Variants in TBC1D4 observed in about 807,000 individuals in gnomAD.
TBC1D4 encodes the protein TBC (Tre-2, BUB2, CDC16) domain-containing protein.
Under a neutral mutation model 142.5 loss-of-function variants are expected in TBC1D4, and 121 were observed. The observed-to-expected ratio is 0.85, with a 90% CI of 0.73 to 0.99. The LOEUF (loss-of-function observed/expected upper bound fraction) is 0.99, where lower values mean the gene tolerates loss of function less well. Ranked by LOEUF, TBC1D4 falls within the 50% of genes least tolerant of loss-of-function variation. The probability of loss-of-function intolerance (pLI) is 0.00; values close to 1 mark genes in which losing one functional copy is unlikely to be tolerated. For missense variants in TBC1D4, 1,475 were observed against 1,606.6 expected, an observed-to-expected ratio of 0.92 and a Z score of 1.40; for synonymous variants, 630 against 628.2, an observed-to-expected ratio of 1.00 and a Z score of -0.04.
At chr13:75,448,500 G>T (rs1443039231) in intron 1 of TBC1D4, among the ~76,000 whole-genome samples, 2 of 151,362 alleles carry the variant, frequency 1.3e-5, no homozygotes. Flanking sequence ...CCCGTTAGGT[G>T]GAGGTTTCAG....
intron 1 of TBC1D4, among the ~76,000 whole-genome samples, chr13:75,391,225 C>CA (rs59448353): frequency 6.6e-6 from 1 of 150,404 alleles, no homozygotes; most frequent in East Asian, 1.9e-4. Context: ...CACACACACA[C>CA]TATTTTTATC....
At chr13:75,406,721 A>G (rs566131271) in intron 1 of TBC1D4, among the ~76,000 whole-genome samples, 3 of 152,362 alleles carry the variant, frequency 2.0e-5, no homozygotes, top group South Asian at 4.1e-4. Flanking sequence ...AAGAGAGCTC[A>G]GGAAAGATCA....
intron 7 of TBC1D4, among the ~76,000 whole-genome samples, chr13:75,340,176 A>G (rs1157175978): frequency 6.6e-6 from 1 of 152,218 alleles, no homozygotes; most frequent in Non-Finnish European, 1.5e-5. Flanking sequence ...AGTTTAACTC[A>G]TAGAAGGTTC....
intron 1 of TBC1D4, among the ~76,000 whole-genome samples, chr13:75,436,657 C>T (rs935562582): frequency 1.7e-5 from 2 of 115,510 alleles, no homozygotes; most frequent in Admixed American, 9.1e-5. Context: ...ACCCTGTCTC[C>T]AAAAAAAAAA....
intron 1 of TBC1D4, among the ~76,000 whole-genome samples, chr13:75,387,733 G>A (rs1271967742): frequency 2.0e-5 from 3 of 152,140 alleles, no homozygotes; most frequent in Non-Finnish European, 4.4e-5. Flanking sequence ...GACTATGTCT[G>A]CCTAACACCC....
chr13:75,466,632 G>T (rs1388448960), intron 1 of TBC1D4, among the ~76,000 whole-genome samples: 4 of 152,074 alleles, frequency 2.6e-5, no homozygotes, highest in Non-Finnish European at 5.9e-5. Flanking sequence ...CAGCACTTTG[G>T]GAGGCCGAGA....
Position 75,286,743 on chromosome 13 carries a change from C to T in TBC1D4, c.*49G>A, listed in dbSNP as rs1345806356. ...GGCCAGCGACATGCAGGCTCTTCCTCTCTGTAGTATTCTAAGGAGCACTTT... is the reference window on the plus strand; with the variant it reads ...GGCCAGCGACATGCAGGCTCTTCCTTTCTGTAGTATTCTAAGGAGCACTTT... On this transcript the variant is annotated 3_prime_UTR_variant, in exon 21 of 21. Transcript: ENST00000377636. 1 of 1,572,376 alleles carries T rather than the reference C, an allele frequency of 6.4e-7. No homozygotes were observed.
At chr13:75,464,443 T>C (rs550539751) in intron 1 of TBC1D4, among the ~76,000 whole-genome samples, 149 of 152,344 alleles carry the variant, frequency 9.8e-4, no homozygotes, top group African/African-American at 3.3e-3. Flanking sequence ...GCCCATCCCT[T>C]TGTTTCAGCC....
At chr13:75,424,955 T>C (rs1886320444) in intron 1 of TBC1D4, among the ~76,000 whole-genome samples, 2 of 152,078 alleles carry the variant, frequency 1.3e-5, no homozygotes, top group Non-Finnish European at 2.9e-5. Flanking sequence ...TTTTTCAGTA[T>C]GACCCCAAAG....
intron 3 of TBC1D4, among the ~76,000 whole-genome samples, chr13:75,357,645 T>C (rs1419754255): frequency 1.3e-5 from 2 of 152,208 alleles, no homozygotes; most frequent in Non-Finnish European, 2.9e-5. Context: ...ACCATTCCCG[T>C]AGTCCCCATG....
chr13:75,312,452 A>AAAGAAAGAAAGAAAGAAAGAAAGAAAG (rs1566366375), intron 13 of TBC1D4, among the ~76,000 whole-genome samples: 3 of 106,318 alleles, frequency 2.8e-5, no homozygotes, highest in African/African-American at 9.2e-5. Flanking sequence ...AAGAAAGAAA[A>AAAGAAAGAAAGAAAGAAAGAAAGAAAG]AGGACATACA....
At chr13:75,337,818 G>A (rs183847501) in intron 7 of TBC1D4, among the ~76,000 whole-genome samples, 17 of 152,302 alleles carry the variant, frequency 1.1e-4, no homozygotes, top group Admixed American at 3.9e-4. Context: ...CCCCAGAACT[G>A]GGGATGCTTG....
At position 75,362,843 on chromosome 13, in the gene TBC1D4, A is replaced by G. The variant is rs2138177609; in HGVS notation, c.499-236T>C. Among the ~76,000 whole-genome samples, 1 of 152,352 alleles carries G rather than the reference A, an allele frequency of 6.6e-6. No individual in the cohort carries two copies. The highest frequency in any genetic ancestry group is 2.4e-5 in the African/African-American group (1 of 41,602). Reference sequence around the variant, plus strand: ...GCAGGATTATATTTTCCCACTTTAAATGAGTCTCCCAGAAACAAAACCATG... The same window carrying G: ...GCAGGATTATATTTTCCCACTTTAAGTGAGTCTCCCAGAAACAAAACCATG... On this transcript the variant is annotated intron_variant, in intron 1 of 20. Transcript: ENST00000377636. This position sits in a 1 kb window ranked among gnomAD's most constrained non-coding sequence, Gnocchi z 4.2.
At chr13:75,327,697 A>G in intron 9 of TBC1D4, 55 bp downstream of exon 9, 17 of 1,523,296 alleles carry the variant, frequency 1.1e-5, no homozygotes, top group Non-Finnish European at 1.4e-5. Context: ...ATATTACCAT[A>G]TCGGTGCTGA....
chr13:75,420,773 T>C lies in TBC1D4; in HGVS notation c.499-58166A>G, dbSNP rs115640327. 4.1e-3 allele frequency among the ~76,000 whole-genome samples: 625 copies of C among 152,216 alleles called. 9 individuals are homozygous for C. The highest frequency in any genetic ancestry group is 0.015 in the African/African-American group (608 of 41,514). ...AATGTAGTGGGGTACGCAGATGCAA[T>C]GGGGACAGGAAGAGAACAAGCAGTC... On this transcript the variant is annotated intron_variant, in intron 1 of 20. Coordinates refer to ENST00000377636, the MANE Select transcript of TBC1D4 (RefSeq NM_014832.5).
intron 1 of TBC1D4, among the ~76,000 whole-genome samples, chr13:75,364,586 T>G (rs975544713): frequency 6.6e-6 from 1 of 152,250 alleles, no homozygotes; most frequent in Non-Finnish European, 1.5e-5. Context: ...TGCCTTAGTA[T>G]GTGATTTACC....
intron 17 of TBC1D4, among the ~76,000 whole-genome samples, chr13:75,298,567 A>G (rs555763): frequency 0.06 from 9,081 of 152,220 alleles, 608 homozygotes; most frequent in African/African-American, 0.16. Context: ...CCTGGCCAAC[A>G]TGGTGAAACC....
Position 75,468,621 on chromosome 13 carries a change from G to A in TBC1D4, c.498+12649C>T, listed in dbSNP as rs117460793. Among the ~76,000 whole-genome samples, 1,244 of 152,222 alleles carry A rather than the reference G, an allele frequency of 8.2e-3. 7 individuals are homozygous for A. The highest frequency in any genetic ancestry group is 0.014 in the Non-Finnish European group (937 of 68,016). ...ATAATCCTTTTTAATATTATAAGCA[G>A]TATGATGGCTCTAAATTTATAAGTA... On this transcript the variant is annotated intron_variant, in intron 1 of 20. Transcript: ENST00000377636.
chr13:75,363,571 T>C (rs142735370), intron 1 of TBC1D4, among the ~76,000 whole-genome samples: 17 of 152,254 alleles, frequency 1.1e-4, no homozygotes, highest in South Asian at 2.1e-4. Flanking sequence ...TTGCTTCAAA[T>C]TGTCCCGCCT....
Sources: gnomAD v4.1 joint callset for allele counts (sites outside exome capture counted in the v4.1 genomes callset) on GRCh38, gnomAD v4.1.1 for gene constraint, Gnocchi (gnomAD v3.1) non-coding constraint, MANE v1.5 for transcripts, NCBI Gene and HGNC (gene_info 2026-07-23, HGNC 2026-07-21) for gene names.